GRIN2A: variants seen among roughly 807,000 people sequenced by gnomAD.
GRIN2A encodes the protein glutamate receptor ionotropic, NMDA 2A.
In GRIN2A, 22 loss-of-function variants were observed where a neutral mutation model predicts 113.4. The ratio of observed to expected loss-of-function variants is 0.19; its 90% CI spans 0.14 to 0.28. The LOEUF is 0.28. GRIN2A is among the 10% of genes least tolerant of loss of function. The pLI, the probability that GRIN2A is intolerant of heterozygous loss-of-function variation, is 1.00. For missense variants in GRIN2A, 1,502 were observed against 1,887.0 expected, an observed-to-expected ratio of 0.80 and a Z score of 3.78; for synonymous variants, 827 against 738.4, an observed-to-expected ratio of 1.12 and a Z score of -1.94.
intron 2 of GRIN2A, among the ~76,000 whole-genome samples, chr16:10,053,832 T>C (rs923252140): frequency 6.6e-6 from 1 of 152,012 alleles, no homozygotes; most frequent in Non-Finnish European, 1.5e-5. Context: ...TATTTGAATA[T>C]GGAATGACAA....
At chr16:9,888,252 T>C (rs1171978656) in intron 4 of GRIN2A, among the ~76,000 whole-genome samples, 2 of 152,194 alleles carry the variant, frequency 1.3e-5, no homozygotes, top group East Asian at 3.9e-4. Flanking sequence ...CTGGGCACAG[T>C]GGCTAACAGT....
At chr16:10,019,539 G>A (rs1158744189) in intron 2 of GRIN2A, among the ~76,000 whole-genome samples, 1 of 152,216 alleles carries the variant, frequency 6.6e-6, no homozygotes, top group African/African-American at 2.4e-5. Flanking sequence ...CACATTTCTA[G>A]TTAGCAGCAT....
At position 10,036,449 on chromosome 16, in the gene GRIN2A, C is replaced by CTTTTTTTTTTTTTTTTT. The variant is rs369821921; in HGVS notation, c.415-97915_415-97899dup. Among the ~76,000 whole-genome samples the CTTTTTTTTTTTTTTTTT allele has an allele frequency of 2.6e-3, 121 of 45,992 alleles. 5 individuals are homozygous for CTTTTTTTTTTTTTTTTT. Among genetic ancestry groups the CTTTTTTTTTTTTTTTTT allele is most frequent in the Non-Finnish European group, 3.4e-3 (93 of 27,090 alleles). 30.2% of individuals were successfully genotyped at this position (45,992 alleles called of 152,430 possible). On this transcript the variant is annotated intron_variant, in intron 2 of 12. Coordinates refer to ENST00000330684, the MANE Select transcript of GRIN2A (RefSeq NM_001134407.3). The stretch of plus-strand genomic sequence containing the variant: ...ATATTAGTACTTACTTTTTTTTTTT[C>CTTTTTTTTTTTTTTTTT]TTTTTTTTTTTTTTTTTTTTTTTTT...
chr16:10,036,590 G>T (rs1218399277), intron 2 of GRIN2A, among the ~76,000 whole-genome samples: 2 of 148,722 alleles, frequency 1.3e-5, no homozygotes, highest in East Asian at 4.0e-4. Context: ...ACAGGCACCC[G>T]CCACAACGCC....
At chr16:9,927,457 C>A (rs1209699432) in intron 3 of GRIN2A, among the ~76,000 whole-genome samples, 3 of 152,194 alleles carry the variant, frequency 2.0e-5, no homozygotes, top group African/African-American at 7.2e-5. Context: ...AAAAATCACA[C>A]TGCCCAAAAA....
At chr16:10,123,753 G>A (rs2048875935) in intron 2 of GRIN2A, among the ~76,000 whole-genome samples, 1 of 152,154 alleles carries the variant, frequency 6.6e-6, no homozygotes, top group Admixed American at 6.5e-5. Context: ...TGGTTGGTAG[G>A]TACCTGGTGG....
chr16:10,007,210 T>A (rs1049142178), intron 2 of GRIN2A, among the ~76,000 whole-genome samples: 2 of 152,252 alleles, frequency 1.3e-5, no homozygotes, highest in Non-Finnish European at 2.9e-5. Context: ...ACCTCCATAC[T>A]GTTATCCATA....
intron 2 of GRIN2A, among the ~76,000 whole-genome samples, chr16:10,005,252 G>T (rs2046386006): frequency 1.3e-5 from 2 of 152,214 alleles, no homozygotes; most frequent in Admixed American, 6.5e-5. Flanking sequence ...TGACAGCGAA[G>T]ATTTAGATAT....
chr16:10,054,349 T>C (rs2047409313), intron 2 of GRIN2A, among the ~76,000 whole-genome samples: 1 of 152,236 alleles, frequency 6.6e-6, no homozygotes, highest in South Asian at 2.1e-4. Flanking sequence ...CATGGTTAGA[T>C]TCCGTTTTAC....
intron 2 of GRIN2A, among the ~76,000 whole-genome samples, chr16:9,969,323 T>C (rs2045624334): frequency 2.0e-5 from 3 of 152,164 alleles, no homozygotes; most frequent in Admixed American, 1.3e-4. Flanking sequence ...GTCCTTCTCT[T>C]ATATCCCCCT....
intron 2 of GRIN2A, among the ~76,000 whole-genome samples, chr16:9,989,893 G>A (rs2046067308): frequency 6.6e-6 from 1 of 152,144 alleles, no homozygotes; most frequent in Non-Finnish European, 1.5e-5. Context: ...ACAAATGTTG[G>A]CAAGGTTGCA....
intron 11 of GRIN2A, among the ~76,000 whole-genome samples, chr16:9,770,767 T>A (rs1379053589): frequency 6.6e-6 from 1 of 152,244 alleles, no homozygotes; most frequent in African/African-American, 2.4e-5. Context: ...TCATATCTTT[T>A]TTAAAAAGTT....
intron 3 of GRIN2A, among the ~76,000 whole-genome samples, chr16:9,923,495 A>G (rs1021621751): frequency 1.3e-5 from 2 of 150,910 alleles, no homozygotes; most frequent in Non-Finnish European, 1.5e-5. Flanking sequence ...TTTCCTTTCT[A>G]CTTACCTTCT....
intron 2 of GRIN2A, among the ~76,000 whole-genome samples, chr16:10,052,500 C>A (rs1404052004): frequency 6.6e-6 from 1 of 152,180 alleles, no homozygotes; most frequent in Non-Finnish European, 1.5e-5. Flanking sequence ...CTTAAGGAAT[C>A]GCCATCTGCC....
At chr16:10,110,952 G>A (rs1454335266) in intron 2 of GRIN2A, among the ~76,000 whole-genome samples, 1 of 152,204 alleles carries the variant, frequency 6.6e-6, no homozygotes, top group African/African-American at 2.4e-5. Context: ...ATTCAGGGAT[G>A]TATGTGTTAA....
intron 2 of GRIN2A, among the ~76,000 whole-genome samples, chr16:10,168,631 C>T (rs1443651061): frequency 4.6e-5 from 7 of 152,088 alleles, no homozygotes; most frequent in Non-Finnish European, 8.8e-5. Context: ...ACCTAATTGC[C>T]GAAGCTTATT....
At chr16:9,910,335 T>A (rs926000882) in intron 3 of GRIN2A, among the ~76,000 whole-genome samples, 31 of 152,162 alleles carry the variant, frequency 2.0e-4, no homozygotes, top group African/African-American at 7.5e-4. Context: ...TTATACAGTT[T>A]AAATTGTTAA....
At chr16:10,142,110 C>A (rs1220353127) in intron 2 of GRIN2A, among the ~76,000 whole-genome samples, 1 of 152,146 alleles carries the variant, frequency 6.6e-6, no homozygotes, top group African/African-American at 2.4e-5. Flanking sequence ...TATCCCAAAG[C>A]GCCCATGTCC....
chr16:9,841,662 G>C (rs907630035), intron 5 of GRIN2A, among the ~76,000 whole-genome samples: 1 of 152,150 alleles, frequency 6.6e-6, no homozygotes, highest in African/African-American at 2.4e-5. Context: ...GGAGACCTGG[G>C]TTCTATTCCA....
Sources: gnomAD v4.1 joint callset for allele counts (sites outside exome capture counted in the v4.1 genomes callset) on GRCh38, gnomAD v4.1.1 for gene constraint, MANE v1.5 for transcripts, NCBI Gene and HGNC (gene_info 2026-07-23, HGNC 2026-07-21) for gene names.